Variants in ZNF398 observed in about 807,000 individuals in gnomAD.
The protein encoded by ZNF398 is zinc finger protein 398.
Under a neutral mutation model 41.9 loss-of-function variants are expected in ZNF398, and 18 were observed. The ratio of observed to expected loss-of-function variants is 0.43; its 90% CI spans 0.30 to 0.64. The LOEUF is 0.64. Among genes scored for constraint, ZNF398 ranks in the 30% least tolerant of loss-of-function variants. ZNF398 has a pLI of 0.14. For missense variants in ZNF398, 669 were observed against 822.8 expected (o/e 0.81, Z 2.29); for synonymous variants, 260 against 308.8 (o/e 0.84, Z 1.66).
At chr7:149,176,649 G>A (rs915906738) in intron 5 of ZNF398, 68 bp downstream of exon 5, 1 of 1,061,528 alleles carries the variant, frequency 9.4e-7, no homozygotes, top group Non-Finnish European at 1.4e-6. Context: ...TGAAGAAACA[G>A]CAGGTGAAAT....
intron 1 of ZNF398, chr7:149,151,113 C>G (rs138284353): frequency 1.8e-5 from 9 of 502,418 alleles, no homozygotes; most frequent in East Asian, 1.2e-4. Flanking sequence ...ATGGGACAAG[C>G]GGCATGGAGG....
chr7:149,137,346 G>A (rs1239373543), intron 2 of ZNF398, among the ~76,000 whole-genome samples: 4 of 152,118 alleles, frequency 2.6e-5, no homozygotes, highest in African/African-American at 9.7e-5. Flanking sequence ...CAATCTGAGG[G>A]GAAGCCATTT....
intron 4 of ZNF398, 69 bp from the exon 5 acceptor site, chr7:149,176,399 A>T: frequency 1.8e-6 from 2 of 1,083,204 alleles, no homozygotes; most frequent in South Asian, 2.5e-5. Flanking sequence ...TGTTCAGCAA[A>T]CCAACTTGAT....
chr7:149,144,326 T>C (rs964846236), upstream of ZNF398, among the ~76,000 whole-genome samples: 4 of 152,208 alleles, frequency 2.6e-5, no homozygotes, highest in Non-Finnish European at 4.4e-5. Context: ...TACTTTTTTT[T>C]TGGAGATGGG....
intron 4 of ZNF398, among the ~76,000 whole-genome samples, chr7:149,172,002 G>A (rs1021894835): frequency 8.5e-5 from 13 of 152,108 alleles, no homozygotes; most frequent in African/African-American, 3.1e-4. Context: ...CCATTATGCA[G>A]TGCATGACTC....
chr7:149,134,549 T>C (rs548909914), intron 2 of ZNF398, among the ~76,000 whole-genome samples: 2 of 152,278 alleles, frequency 1.3e-5, no homozygotes, highest in East Asian at 3.9e-4. Flanking sequence ...CAGCATCCCA[T>C]CCATTATATT....
intron 2 of ZNF398, among the ~76,000 whole-genome samples, chr7:149,140,392 C>CT (rs573167341): frequency 0.016 from 2,318 of 149,524 alleles, 38 homozygotes; most frequent in Middle Eastern, 0.045. Context: ...ACATAAAATA[C>CT]TTTTTTTTTT....
intron 2 of ZNF398, among the ~76,000 whole-genome samples, chr7:149,137,882 A>G (rs1826745483): frequency 6.6e-6 from 1 of 152,170 alleles, no homozygotes; most frequent in Admixed American, 6.6e-5. Flanking sequence ...AAGATGAAAT[A>G]TGTAGACATT....
At chr7:149,154,398 T>A in intron 2 of ZNF398, 58 bp downstream of exon 2, 2 of 1,490,050 alleles carry the variant, frequency 1.3e-6, no homozygotes, top group East Asian at 4.6e-5. Flanking sequence ...TTAGTAGTAG[T>A]CTTGGTCATT....
chr7:149,131,923 G>A (rs74536343), intron 2 of ZNF398, among the ~76,000 whole-genome samples: 114 of 152,164 alleles, frequency 7.5e-4, no homozygotes, highest in African/African-American at 2.4e-3. Context: ...CACCTTCTTT[G>A]ATAGCTACGC....
rs375140930 is a variant in ZNF398 at position 149,166,067 on chromosome 7, G to A, written c.421-91G>A. The A allele has an allele frequency of 8.6e-5, 119 of 1,391,352 alleles. 1 individual carries two copies. The highest frequency in any genetic ancestry group is 7.5e-4 in the East Asian group (32 of 42,716). 86.2% of individuals were successfully genotyped at this position (1,391,352 alleles called of 1,614,324 possible). ...TATTTATTGACCACCCTTTGAAAAT[G>A]TAAAAAAAATAAAAGGAACTAATTG... On this transcript the variant is annotated intron_variant, in intron 2 of 5. Transcript: ENST00000475153.
intron 2 of ZNF398, among the ~76,000 whole-genome samples, chr7:149,129,676 G>A: frequency 1.3e-5 from 2 of 152,150 alleles, no homozygotes; most frequent in South Asian, 4.1e-4. Flanking sequence ...CACTGCGCCT[G>A]GCCTACAACA....
chr7:149,171,897 G>A (rs566296007), intron 4 of ZNF398, among the ~76,000 whole-genome samples: 48 of 152,206 alleles, frequency 3.2e-4, no homozygotes, highest in African/African-American at 1.2e-3. Flanking sequence ...TCAAACACCT[G>A]GACTTAAGTG....
At position 149,179,221 on chromosome 7, in the gene ZNF398, C is replaced by T. The variant is rs1468933586; in HGVS notation, c.1349C>T (p.Ala450Val). Residue 450 changes from alanine (A) to valine (V), a missense_variant, in exon 6 of 6, where the codon GCA becomes GTA. By Grantham distance (64) the Ala-to-Val change is moderately conservative. Coordinates refer to ENST00000475153, the MANE Select transcript of ZNF398 (RefSeq NM_170686.3). The surrounding 1 kb of genome is among the most constrained non-coding windows in gnomAD (Gnocchi z 6.1). ...CTCACCAGCCACCGGAGAGCTCATG[C>T]AAGCGAAAGGCCCTTCCGCTGTGCC... The part of the protein sequence containing the change: ...ARLTSHRRAH[A>V]SERPFRCAQC... 1.9e-6 allele frequency: 3 copies of T among 1,613,498 alleles called. No homozygotes were observed. Among genetic ancestry groups the T allele is most frequent in the East Asian group, 4.5e-5 (2 of 44,888 alleles).
At chr7:149,150,950 T>C (rs888897515) in intron 1 of ZNF398, among the ~76,000 whole-genome samples, 1 of 152,172 alleles carries the variant, frequency 6.6e-6, no homozygotes, top group African/African-American at 2.4e-5. Flanking sequence ...CCTCAGGTGA[T>C]CCACCTGTCT....
At chr7:149,143,785 C>T (rs1826874571), upstream of ZNF398, among the ~76,000 whole-genome samples, 1 of 152,132 alleles carries the variant, frequency 6.6e-6, no homozygotes, top group South Asian at 2.1e-4. Flanking sequence ...CCACTCTAGT[C>T]TGGGCAACAA....
chr7:149,142,648 C>A (rs1826852153), upstream of ZNF398, among the ~76,000 whole-genome samples: 1 of 152,208 alleles, frequency 6.6e-6, no homozygotes. Context: ...GCCTGGGCAA[C>A]AGAGCGAGAC....
chr7:149,151,328 G>A, intron 1 of ZNF398: 1 of 1,087,926 alleles, frequency 9.2e-7, no homozygotes, highest in Non-Finnish European at 1.2e-6. Flanking sequence ...AGTGACTGAT[G>A]TGATCAATTA....
At chr7:149,147,358 G>C (rs1013860164), upstream of ZNF398, 1 of 156,136 alleles carries the variant, frequency 6.4e-6, no homozygotes, top group South Asian at 2.1e-4. The surrounding 1 kb of genome is among the most constrained non-coding windows in gnomAD (Gnocchi z 5.6). Flanking sequence ...GGCGACGCGG[G>C]GGGCGCTGGC....
Sources: allele counts gnomAD v4.1 joint callset (sites outside exome capture counted in the v4.1 genomes callset), GRCh38; gene constraint gnomAD v4.1.1; non-coding constraint Gnocchi (gnomAD v3.1); transcripts MANE v1.5; gene names NCBI Gene and HGNC (gene_info 2026-07-23, HGNC 2026-07-21).